The following WFDC8 variants were observed in gnomAD, a reference collection of about 807,000 sequenced individuals.
WFDC8 encodes WAP four-disulfide core domain 8.
A neutral mutation model predicts 27.0 loss-of-function variants in WFDC8; 24 were observed. The observed-to-expected ratio is 0.89, with a 90% CI of 0.64 to 1.25. The LOEUF (loss-of-function observed/expected upper bound fraction) is 1.25, where lower values mean the gene tolerates loss of function less well. WFDC8 is among the 50% of genes most tolerant of loss of function. The pLI is 0.00. For missense variants in WFDC8, 287 were observed against 295.9 expected (o/e 0.97, Z 0.22); for synonymous variants, 106 against 99.7 (o/e 1.06, Z -0.38).
At chr20:45,555,992 G>T in intron 3 of WFDC8, 124 bp from the exon 4 acceptor site, 1 of 1,004,294 alleles carries the variant, frequency 1.0e-6, no homozygotes, top group Non-Finnish European at 1.4e-6. Flanking sequence ...CCATGGCAGG[G>T]GAAAAAAAAA....
chr20:45,565,575 A>G (rs961473476), intron 1 of WFDC8, among the ~76,000 whole-genome samples: 5 of 152,148 alleles, frequency 3.3e-5, no homozygotes, highest in Non-Finnish European at 2.9e-5. Context: ...AAGTGTAAAA[A>G]CTTCTGAATT....
chr20:45,555,871 G>A lies in WFDC8; in HGVS notation c.278-3C>T, dbSNP rs1371366891. ...CCTCACAGGTAGCATGCAGGGTTCTGAGGTCAGGAAGCAAGGAAAGAAGGA... is the reference window on the plus strand; with the variant it reads ...CCTCACAGGTAGCATGCAGGGTTCTAAGGTCAGGAAGCAAGGAAAGAAGGA... On this transcript the variant is annotated splice_region_variant and splice_polypyrimidine_tract_variant and intron_variant, in intron 3 of 5. Transcript: ENST00000289953. 6.2e-7 allele frequency: 1 copy of A among 1,613,426 alleles called. No homozygotes were observed. Among genetic ancestry groups the A allele is most frequent in the Non-Finnish European group, 8.5e-7 (1 of 1,179,568 alleles).
intron 1 of WFDC8, among the ~76,000 whole-genome samples, chr20:45,572,183 A>G (rs912640142): frequency 6.6e-6 from 1 of 151,882 alleles, no homozygotes; most frequent in African/African-American, 2.4e-5. Context: ...GGCGGATCTC[A>G]TCAGGAGATT....
Position 45,579,225 on chromosome 20 carries a change from C to T in WFDC8, c.23G>A (p.Gly8Glu). 1 of 1,613,884 alleles carries T rather than the reference C, an allele frequency of 6.2e-7. No individual in the cohort carries two copies. Residue 8 changes from glycine (G) to glutamate (E), a missense_variant, in exon 1 of 6, where the codon GGA (glycine) becomes GAA (glutamate). Physicochemically the swap from Gly to Glu is moderately conservative, Grantham distance 98. Transcript: ENST00000289953. The stretch of plus-strand genomic sequence containing the variant: ...CCCCCATAGACACCCTCCTCACCCT[C>T]CTTCAGTTCGGACAGTCCACATCAG... MWTVRTEGGHFPLHSPTF... is the reference protein window; with the variant it reads MWTVRTEEGHFPLHSPTF...
At chr20:45,551,381 A>G (rs1364967479), downstream of WFDC8, 1 of 152,212 alleles carries the variant, frequency 6.6e-6, no homozygotes, top group Non-Finnish European at 1.5e-5. Context: ...TGATCCCAGC[A>G]CTTTCGGAGG....
intron 1 of WFDC8, among the ~76,000 whole-genome samples, chr20:45,575,614 C>T (rs1399046497): frequency 2.0e-5 from 3 of 151,010 alleles, no homozygotes; most frequent in African/African-American, 7.3e-5. Context: ...TATCTTTTTG[C>T]CCAGCTTCCC....
chr20:45,576,406 T>TC lies in WFDC8; in HGVS notation c.26+2815_26+2816insG, dbSNP rs199980762. ...ATAAAACTTCGTCTTAGAGTTTTCT[T>TC]TTTTTTTTTCAGACAGTCTCTCACT... On this transcript the variant is annotated intron_variant, in intron 1 of 5. Transcript: ENST00000289953. Among the ~76,000 whole-genome samples, 188 of 148,558 alleles carry TC rather than the reference T, an allele frequency of 1.3e-3. 3 individuals carry two copies. In the East Asian group the frequency reaches 0.034, roughly 27 times the overall value.
chr20:45,578,210 A>T (rs1385835690), intron 1 of WFDC8, among the ~76,000 whole-genome samples: 1 of 151,326 alleles, frequency 6.6e-6, no homozygotes, highest in African/African-American at 2.4e-5. Context: ...TGATCAAATG[A>T]TGAAAATGTG....
At chr20:45,558,348 G>C (rs758705266) in intron 3 of WFDC8, among the ~76,000 whole-genome samples, 3 of 152,106 alleles carry the variant, frequency 2.0e-5, no homozygotes, top group Non-Finnish European at 4.4e-5. Flanking sequence ...TTCAACTATA[G>C]GTGTATTCTG....
chr20:45,571,828 GAATAGT>G (rs1980877991), intron 1 of WFDC8, among the ~76,000 whole-genome samples: 1 of 152,152 alleles, frequency 6.6e-6, no homozygotes, highest in Non-Finnish European at 1.5e-5. Context: ...TTTAAAGGCT[GAATAGT>G]AGTTCATTGT....
At chr20:45,557,435 T>G (rs1207549719) in intron 3 of WFDC8, among the ~76,000 whole-genome samples, 2 of 149,728 alleles carry the variant, frequency 1.3e-5, no homozygotes, top group Non-Finnish European at 3.0e-5. Context: ...TTTTCTTTTG[T>G]TTTTTTTTGT....
intron 1 of WFDC8, 138 bp from the exon 2 acceptor site, chr20:45,562,357 A>G (rs2272956): frequency 0.38 from 258,515 of 683,636 alleles, 52,345 homozygotes; most frequent in Non-Finnish European, 0.43. Context: ...ATGGGGAAGG[A>G]GTCTGTCTGA....
chr20:45,563,397 C>T (rs140940158), intron 1 of WFDC8, among the ~76,000 whole-genome samples: 199 of 152,232 alleles, frequency 1.3e-3, no homozygotes, highest in African/African-American at 3.1e-3. Context: ...TGGTAGGAAA[C>T]GTAGCATTCA....
rs373920987 is a variant in WFDC8 at position 45,557,451 on chromosome 20, GAGA to G, written c.277+1398_277+1400del. 3.5e-3 allele frequency among the ~76,000 whole-genome samples: 528 copies of G among 151,092 alleles called. 3 individuals carry two copies. The highest frequency in any genetic ancestry group is 0.011 in the African/African-American group (471 of 41,194). Reference sequence around the variant, plus strand: ...TTTCTTTTGTTTTTTTTTGTTTTTTGAGAAGGAGTCTCGCTGTGTCACCCAGGC... The same window carrying G: ...TTTCTTTTGTTTTTTTTTGTTTTTTGAGGAGTCTCGCTGTGTCACCCAGGC... On this transcript the variant is annotated intron_variant, in intron 3 of 5. Transcript: ENST00000289953.
At chr20:45,556,921 AG>A (rs1980278329) in intron 3 of WFDC8, among the ~76,000 whole-genome samples, 1 of 152,190 alleles carries the variant, frequency 6.6e-6, no homozygotes, top group East Asian at 1.9e-4. Context: ...GCACCAAAAA[AG>A]GTCATGGTCA....
At chr20:45,579,094 A>C in intron 1 of WFDC8, 128 bp downstream of exon 1, 10 of 821,590 alleles carry the variant, frequency 1.2e-5, no homozygotes, top group Non-Finnish European at 2.1e-5. Context: ...TGTTCTGTGG[A>C]ACCCCTCCTC....
At chr20:45,553,082 T>G in intron 5 of WFDC8, 54 bp downstream of exon 5, 1 of 1,568,252 alleles carries the variant, frequency 6.4e-7, no homozygotes, top group Non-Finnish European at 8.6e-7. Flanking sequence ...GGAGACAGCA[T>G]GACATCCTTG....
intron 1 of WFDC8, among the ~76,000 whole-genome samples, chr20:45,576,089 G>A (rs536661396): frequency 4.0e-5 from 6 of 151,434 alleles, no homozygotes; most frequent in Admixed American, 6.6e-5. Flanking sequence ...TTCTGATACC[G>A]GAGAAGGATT....
intron 1 of WFDC8, among the ~76,000 whole-genome samples, 170 bp from the exon 2 acceptor site, chr20:45,562,389 G>A (rs1240792528): frequency 6.6e-6 from 1 of 152,164 alleles, no homozygotes; most frequent in Non-Finnish European, 1.5e-5. Flanking sequence ...GAGTTAAGGT[G>A]TGTCTAAGAC....
Sources: gnomAD v4.1 joint callset for allele counts (sites outside exome capture counted in the v4.1 genomes callset) on GRCh38, gnomAD v4.1.1 for gene constraint, MANE v1.5 for transcripts, NCBI Gene and HGNC (gene_info 2026-07-23, HGNC 2026-07-21) for gene names.